The following ATP7B variants were observed in gnomAD, a reference collection of about 807,000 sequenced individuals.
The protein encoded by ATP7B is copper-transporting ATPase 2.
ATP7B carries 113 observed loss-of-function variants against 118.9 expected under a neutral mutation model. The ratio of observed to expected loss-of-function variants is 0.95; its 90% CI spans 0.82 to 1.11. ATP7B has a LOEUF of 1.11. Among genes scored for constraint, ATP7B ranks in the 50% most tolerant of loss-of-function variants. ATP7B has a pLI of 0.00. For synonymous variants in ATP7B, 777 were observed against 727.4 expected, an observed-to-expected ratio of 1.07 and a Z score of -1.10; for missense variants, 1,867 against 1,871.4, an observed-to-expected ratio of 1.00 and a Z score of 0.04.
At chr13:51,953,850 G>T (rs1338086876) in intron 9 of ATP7B, among the ~76,000 whole-genome samples, 2 of 31,742 alleles carry the variant, frequency 6.3e-5, no homozygotes, top group Admixed American at 3.4e-4. Flanking sequence ...CCCATCAATT[G>T]TAAAAAAAAA....
At position 52,011,411 on chromosome 13, in the gene ATP7B, G is replaced by C. The variant is rs193922101; in HGVS notation, c.-74C>G. On this transcript the variant is annotated 5_prime_UTR_variant, in exon 1 of 21. Coordinates refer to ENST00000242839, the MANE Select transcript of ATP7B (RefSeq NM_000053.4). ...GGTCACCTGGTCGGTGGAGGAGAGC[G>C]GGGTGTTAAAGTCCCGGGAGAGGAG... 1.9e-6 allele frequency: 3 copies of C among 1,603,448 alleles called. No homozygotes were observed. Among genetic ancestry groups the C allele is most frequent in the Non-Finnish European group, 2.6e-6 (3 of 1,170,864 alleles).
intron 1 of ATP7B, among the ~76,000 whole-genome samples, chr13:51,980,283 G>GCAGACCCAACAC (rs1952352216): frequency 6.6e-6 from 1 of 152,112 alleles, no homozygotes; most frequent in Non-Finnish European, 1.5e-5. Flanking sequence ...GACATTTTCT[G>GCAGACCCAACAC]CAGACCCAAC....
In ATP7B at chr13:51,961,299, C is replaced by G. The variant is rs574511094; in HGVS notation, c.1946+538G>C. 4.2e-4 allele frequency among the ~76,000 whole-genome samples: 64 copies of G among 151,964 alleles called. 1 individual carries two copies. Among genetic ancestry groups the G allele is most frequent in the Middle Eastern group, 6.8e-3 (2 of 294 alleles). On this transcript the variant is annotated intron_variant, in intron 6 of 20. Coordinates refer to ENST00000242839, the MANE Select transcript of ATP7B (RefSeq NM_000053.4). ...CCAGCACCTAGCACACTGCCCTGCA[C>G]ACAACAGCAGCCTTTATGGTGCTGA...
chr13:51,976,892 G>A (rs984207013), intron 1 of ATP7B, among the ~76,000 whole-genome samples: 10 of 152,268 alleles, frequency 6.6e-5, no homozygotes, highest in African/African-American at 1.7e-4. Flanking sequence ...TGGGTGAGTC[G>A]GTGAATGAGT....
chr13:51,971,461 T>C (rs1465196201), intron 2 of ATP7B, among the ~76,000 whole-genome samples: 1 of 152,250 alleles, frequency 6.6e-6, no homozygotes, highest in East Asian at 1.9e-4. Flanking sequence ...TATTCTTTTC[T>C]TTCTAGGTTT....
At chr13:51,967,286 G>A (rs1357379590) in intron 4 of ATP7B, 2 of 716,260 alleles carry the variant, frequency 2.8e-6, no homozygotes, top group Admixed American at 4.8e-5. Context: ...CATTTTACAT[G>A]CAGTTATTTC....
In ATP7B at chr13:52,011,347, C is replaced by T. The variant is rs1271928983; in HGVS notation, c.-10G>A. 8 of 1,614,080 alleles carry T rather than the reference C, an allele frequency of 5.0e-6. No homozygotes were observed. The African/African-American group carries it at 5.3e-5, about 11-fold the overall frequency. Reference sequence around the variant, plus strand: ...TCTCCTGCTCAGGCATCGTCCCGCACGGACACCGAATTCTTCTCTGATCTG... The same window carrying T: ...TCTCCTGCTCAGGCATCGTCCCGCATGGACACCGAATTCTTCTCTGATCTG... On this transcript the variant is annotated 5_prime_UTR_variant, in exon 1 of 21. The change creates a new upstream start codon in the 5' untranslated region. Coordinates refer to ENST00000242839, the MANE Select transcript of ATP7B (RefSeq NM_000053.4).
chr13:51,998,841 T>G (rs1267362920), intron 1 of ATP7B, among the ~76,000 whole-genome samples: 1 of 152,152 alleles, frequency 6.6e-6, no homozygotes, highest in Non-Finnish European at 1.5e-5. Flanking sequence ...GACATCTGGT[T>G]AAAATATTTC....
In ATP7B at chr13:51,987,394, T is replaced by C. The variant is rs543879345; in HGVS notation, c.52-12226A>G. ...CTCTTCAAGGAGAACTACAAACCAC[T>C]GCTCAAGGAAATAAGAGAGGACACA... On this transcript the variant is annotated intron_variant, in intron 1 of 20. Transcript: ENST00000242839. 5.3e-5 allele frequency among the ~76,000 whole-genome samples: 8 copies of C among 152,300 alleles called. No individual in the cohort carries two copies. In the East Asian group the frequency reaches 1.4e-3, roughly 26 times the overall value.
rs1174245677 is a variant in ATP7B, at chr13:51,936,193, T to G, written c.4022-498A>C. The stretch of plus-strand genomic sequence containing the variant: ...TCCCAGGACAGGGTCAGGAGACAGG[T>G]ATGGTCAACTTTGTGTGGCAGAGGC... On this transcript the variant is annotated intron_variant, in intron 19 of 20. Coordinates refer to ENST00000242839, the MANE Select transcript of ATP7B (RefSeq NM_000053.4). Among the ~76,000 whole-genome samples, 4 of 152,220 alleles carry G rather than the reference T, an allele frequency of 2.6e-5. No homozygotes were observed. The East Asian group carries it at 7.7e-4, about 29-fold the overall frequency.
chr13:51,966,902 C>A (rs1951578489), intron 4 of ATP7B: 2 of 1,612,948 alleles, frequency 1.2e-6, no homozygotes, highest in African/African-American at 1.3e-5. Context: ...AACCTCACCA[C>A]AAAAACCGAG....
intron 1 of ATP7B, among the ~76,000 whole-genome samples, chr13:52,003,364 G>A (rs1170267212): frequency 1.3e-5 from 2 of 152,142 alleles, no homozygotes; most frequent in East Asian, 3.8e-4. Context: ...GAGAGACAGA[G>A]ACATGAACTG....
intron 6 of ATP7B, among the ~76,000 whole-genome samples, chr13:51,961,571 C>T (rs892022503): frequency 6.6e-6 from 1 of 152,160 alleles, no homozygotes; most frequent in Non-Finnish European, 1.5e-5. Context: ...AATTCATTTC[C>T]ACAGTCACAC....
In ATP7B at chr13:51,949,783, T is replaced by G. The variant is rs746743364; in HGVS notation, c.2744A>C (p.Gln915Pro). 1 of 1,613,934 alleles carries G rather than the reference T, an allele frequency of 6.2e-7. No homozygotes were observed. Among genetic ancestry groups the G allele is most frequent in the South Asian group, 1.1e-5 (1 of 91,088 alleles). ...EAQMSKAPIQ[Q>P]LADRFSGYFV... ...ATATCCACTAAACCGGTCAGCCAGC[T>G]GCTGAATGGGTGCCTATGAAAATAA... Residue 915 changes from glutamine (Q) to proline (P), a missense_variant, in exon 12 of 21, where the codon CAG becomes CCG. Physicochemically the swap from Gln to Pro is moderately conservative, Grantham distance 76. Coordinates refer to ENST00000242839, the MANE Select transcript of ATP7B (RefSeq NM_000053.4).
Position 51,950,055 on chromosome 13 carries a change from G to A in ATP7B, c.2682C>T (p.Thr894=). 6.2e-7 allele frequency: 1 copy of A among 1,614,168 alleles called. No homozygotes were observed. Residue 894 remains threonine, a synonymous_variant, in exon 11 of 21, where the codon ACC becomes ACT. Coordinates refer to ENST00000242839, the MANE Select transcript of ATP7B (RefSeq NM_000053.4). ...CCAGTTTCACAATCTGAGCCAAAGT[G>A]GTGTCATTGCCCACGTGGGTAGCTT... ...LIKATHVGND[T]TLAQIVKLVE...
intron 2 of ATP7B, among the ~76,000 whole-genome samples, chr13:51,971,460 C>A (rs1332067924): frequency 1.3e-5 from 2 of 152,160 alleles, no homozygotes; most frequent in Non-Finnish European, 1.5e-5. Context: ...CTATTCTTTT[C>A]TTTCTAGGTT....
At chr13:51,984,210 G>C (rs1296816494) in intron 1 of ATP7B, among the ~76,000 whole-genome samples, 2 of 152,050 alleles carry the variant, frequency 1.3e-5, no homozygotes, top group Non-Finnish European at 2.9e-5. Context: ...TCAGTTTAGA[G>C]AGGAACATAA....
rs1369278601 is a variant in ATP7B, at chr13:51,949,993, A to C, written c.2730+14T>G. 2 of 1,614,080 alleles carry C rather than the reference A, an allele frequency of 1.2e-6. No individual in the cohort carries two copies. Among genetic ancestry groups the C allele is most frequent in the African/African-American group, 2.7e-5 (2 of 74,944 alleles). On this transcript the variant is annotated intron_variant, in intron 11 of 20. Transcript: ENST00000242839. ...CGAGAAAGATGAAGTTAGTTTTAAA[A>C]ATTTCTTCATTACCTTTGACATCTG...
rs7992094 is a variant in ATP7B, at chr13:51,991,032, G to A, written c.52-15864C>T. ...GAGCCTGGGAGGCGGAGCTTTCACTGAGCCAAGATCGCGCCACTGCACTCC... is the reference window on the plus strand; with the variant it reads ...GAGCCTGGGAGGCGGAGCTTTCACTAAGCCAAGATCGCGCCACTGCACTCC... On this transcript the variant is annotated intron_variant, in intron 1 of 20. Transcript: ENST00000242839. Among the ~76,000 whole-genome samples the A allele has an allele frequency of 5.9e-3, 894 of 152,106 alleles. 8 individuals carry two copies. Among genetic ancestry groups the A allele is most frequent in the African/African-American group, 0.021 (855 of 41,474 alleles).
Sources: allele counts gnomAD v4.1 joint callset (sites outside exome capture counted in the v4.1 genomes callset), GRCh38; gene constraint gnomAD v4.1.1; transcripts MANE v1.5; gene names NCBI Gene and HGNC (gene_info 2026-07-23, HGNC 2026-07-21).